KCND2: variants seen among roughly 807,000 people sequenced by gnomAD.
KCND2 encodes the protein A-type voltage-gated potassium channel KCND2.
KCND2 carries 16 observed loss-of-function variants against 54.4 expected under a neutral mutation model. That is an observed-to-expected ratio of 0.29 (90% confidence interval 0.20 to 0.45). The LOEUF (loss-of-function observed/expected upper bound fraction) is 0.45, where lower values mean the gene tolerates loss of function less well. KCND2 is among the 20% of genes least tolerant of loss of function. The probability of loss-of-function intolerance (pLI) is 1.00; values close to 1 mark genes in which losing one functional copy is unlikely to be tolerated. For synonymous variants in KCND2, 317 were observed against 310.7 expected, an observed-to-expected ratio of 1.02 and a Z score of -0.21; for missense variants, 486 against 824.2, an observed-to-expected ratio of 0.59 and a Z score of 5.02.
intron 1 of KCND2, among the ~76,000 whole-genome samples, chr7:120,653,620 T>G (rs1791766142): frequency 6.6e-6 from 1 of 152,168 alleles, no homozygotes; most frequent in African/African-American, 2.4e-5. Context: ...TGGCTCATCT[T>G]TAAAGGAGGA....
At chr7:120,550,730 C>T (rs1792095867) in intron 1 of KCND2, among the ~76,000 whole-genome samples, 1 of 152,124 alleles carries the variant, frequency 6.6e-6, no homozygotes, top group Admixed American at 6.5e-5. Context: ...AGAGCAAGAA[C>T]AGTTTGCCTT....
chr7:120,668,997 A>T (rs527727896), intron 1 of KCND2, among the ~76,000 whole-genome samples: 6 of 152,110 alleles, frequency 3.9e-5, no homozygotes, highest in Non-Finnish European at 7.4e-5. Flanking sequence ...TTAACAGTCT[A>T]TTCTTCATAC....
At chr7:120,366,637 C>T (rs1246471749) in intron 1 of KCND2, among the ~76,000 whole-genome samples, 1 of 152,040 alleles carries the variant, frequency 6.6e-6, no homozygotes, top group African/African-American at 2.4e-5. Context: ...GTGCTGCTCC[C>T]CGCGTTCCTG....
At chr7:120,343,941 G>A (rs1209831912) in intron 1 of KCND2, among the ~76,000 whole-genome samples, 2 of 151,982 alleles carry the variant, frequency 1.3e-5, no homozygotes, top group Non-Finnish European at 2.9e-5. Context: ...ATCACTGATA[G>A]ATCCATAAAG....
intron 2 of KCND2, among the ~76,000 whole-genome samples, chr7:120,738,903 G>A (rs1409088936): frequency 1.3e-5 from 2 of 151,534 alleles, no homozygotes; most frequent in East Asian, 1.9e-4. Context: ...GTGGTGCTCC[G>A]CAAGACCAAT....
At chr7:120,544,726 A>G (rs1475625790) in intron 1 of KCND2, among the ~76,000 whole-genome samples, 1 of 151,962 alleles carries the variant, frequency 6.6e-6, no homozygotes, top group Non-Finnish European at 1.5e-5. Context: ...TGACCTTGAT[A>G]ATCATTACAC....
intron 1 of KCND2, among the ~76,000 whole-genome samples, chr7:120,352,654 G>A (rs552263764): frequency 6.6e-6 from 1 of 151,724 alleles, no homozygotes; most frequent in Non-Finnish European, 1.5e-5. Flanking sequence ...GCCAACCTAG[G>A]GACAATATGT....
intron 1 of KCND2, among the ~76,000 whole-genome samples, chr7:120,380,818 G>T (rs992241242): frequency 5.3e-5 from 8 of 151,986 alleles, no homozygotes; most frequent in Non-Finnish European, 1.2e-4. Flanking sequence ...TACATAATCA[G>T]GAATGCAGAA....
At chr7:120,580,829 A>G (rs1165321380) in intron 1 of KCND2, among the ~76,000 whole-genome samples, 1 of 152,210 alleles carries the variant, frequency 6.6e-6, no homozygotes, top group South Asian at 2.1e-4. Context: ...TTATGGCACA[A>G]TGAGCAACTT....
intron 1 of KCND2, among the ~76,000 whole-genome samples, chr7:120,351,411 C>T (rs111601635): frequency 2.1e-5 from 3 of 139,974 alleles, no homozygotes; most frequent in African/African-American, 8.1e-5. Context: ...CACACACACA[C>T]ACTCTCTCTC....
At chr7:120,635,198 G>T (rs1404566379) in intron 1 of KCND2, among the ~76,000 whole-genome samples, 1 of 152,178 alleles carries the variant, frequency 6.6e-6, no homozygotes, top group Non-Finnish European at 1.5e-5. Context: ...GGTGCCCATT[G>T]TGGTTCCTGA....
intron 1 of KCND2, among the ~76,000 whole-genome samples, chr7:120,386,810 A>T (rs1800994764): frequency 6.6e-6 from 1 of 152,124 alleles, no homozygotes; most frequent in Non-Finnish European, 1.5e-5. Context: ...TTTCCTTGAA[A>T]GAAATGGAGG....
At chr7:120,413,520 T>C (rs762396460) in intron 1 of KCND2, among the ~76,000 whole-genome samples, 5 of 152,058 alleles carry the variant, frequency 3.3e-5, no homozygotes, top group Non-Finnish European at 7.4e-5. Flanking sequence ...TACATACTTA[T>C]GTATACACAT....
At chr7:120,646,049 T>C (rs1793438356) in intron 1 of KCND2, among the ~76,000 whole-genome samples, 1 of 152,190 alleles carries the variant, frequency 6.6e-6, no homozygotes, top group African/African-American at 2.4e-5. Context: ...AAAAATCACT[T>C]CTCTTCAGAA....
chr7:120,408,371 A>C (rs549392759), intron 1 of KCND2, among the ~76,000 whole-genome samples: 1 of 151,988 alleles, frequency 6.6e-6, no homozygotes, highest in Admixed American at 6.6e-5. Flanking sequence ...ATTCAGACAT[A>C]TATCTCGAGC....
At chr7:120,281,424 A>T (rs975604753) in intron 1 of KCND2, among the ~76,000 whole-genome samples, 24 of 19,934 alleles carry the variant, frequency 1.2e-3, no homozygotes, top group African/African-American at 1.9e-3. Context: ...AGCGTCTGAT[A>T]TTGAAAAAAA....
At chr7:120,285,442 T>G (rs1015512584) in intron 1 of KCND2, among the ~76,000 whole-genome samples, 1 of 152,024 alleles carries the variant, frequency 6.6e-6, no homozygotes, top group African/African-American at 2.4e-5. Context: ...ATTGTCTATT[T>G]TATTAGAACA....
intron 1 of KCND2, chr7:120,464,017 GT>G (rs753537808): frequency 0.035 from 26,335 of 758,434 alleles, no homozygotes; most frequent in Non-Finnish European, 0.039. Context: ...TCTTAGTTTT[GT>G]TTTTTTTTTT....
At chr7:120,301,746 A>G (rs1799587617) in intron 1 of KCND2, among the ~76,000 whole-genome samples, 1 of 152,154 alleles carries the variant, frequency 6.6e-6, no homozygotes, top group East Asian at 1.9e-4. Context: ...TAAAGGAGGC[A>G]TTTGTGTGAG....
Sources: allele counts gnomAD v4.1 joint callset (sites outside exome capture counted in the v4.1 genomes callset), GRCh38; gene constraint gnomAD v4.1.1; transcripts MANE v1.5; gene names NCBI Gene and HGNC (gene_info 2026-07-23, HGNC 2026-07-21).